The following SLC4A4 variants were observed in gnomAD, a reference collection of about 807,000 sequenced individuals.
SLC4A4 encodes the protein solute carrier family 4 member 4.
Under a neutral mutation model 111.5 loss-of-function variants are expected in SLC4A4, and 27 were observed. The observed-to-expected ratio is 0.24, with a 90% CI of 0.18 to 0.33. The LOEUF (loss-of-function observed/expected upper bound fraction) is 0.33. SLC4A4 is among the 10% of genes least tolerant of loss of function. The pLI is 1.00. For missense variants in SLC4A4, 909 were observed against 1,315.5 expected (o/e 0.69, Z 4.78); for synonymous variants, 443 against 463.4 (o/e 0.96, Z 0.57).
rs553786821 is a variant in SLC4A4, at chr4:71,179,553, T to C, written c.-1-57023T>C. ...TGCAAAAATCACAAGCATTCTTATATACCAATAACAGACAGAGAGCCAAAT... is the reference window on the plus strand; with the variant it reads ...TGCAAAAATCACAAGCATTCTTATACACCAATAACAGACAGAGAGCCAAAT... On this transcript the variant is annotated intron_variant, in intron 2 of 26. Coordinates refer to the SLC4A4 transcript ENST00000649996. Among the ~76,000 whole-genome samples the C allele has an allele frequency of 1.4e-4, 20 of 140,748 alleles. 1 individual carries two copies. The highest frequency in any genetic ancestry group is 6.5e-4 in the African/African-American group (20 of 30,972). 92.3% of individuals were successfully genotyped at this position (140,748 alleles called of 152,430 possible).
At chr4:71,171,232 C>T (rs77511041) in intron 2 of SLC4A4, among the ~76,000 whole-genome samples, 102 of 151,810 alleles carry the variant, frequency 6.7e-4, no homozygotes, top group African/African-American at 2.4e-3. Context: ...CGTGGCTTTG[C>T]GTGCAGGCTG....
At chr4:71,424,828 G>C (rs906348735) in intron 7 of SLC4A4, among the ~76,000 whole-genome samples, 4 of 152,022 alleles carry the variant, frequency 2.6e-5, no homozygotes, top group Admixed American at 1.3e-4. Context: ...ACATCACACT[G>C]TGGGGACTGT....
chr4:71,158,276 C>G (rs1356602936), intron 2 of SLC4A4, among the ~76,000 whole-genome samples: 3 of 151,916 alleles, frequency 2.0e-5, no homozygotes, highest in Non-Finnish European at 4.4e-5. Flanking sequence ...CAACTGTGAC[C>G]TGAATGAAAG....
At chr4:71,358,708 T>G (rs940475541) in intron 6 of SLC4A4, among the ~76,000 whole-genome samples, 1 of 151,234 alleles carries the variant, frequency 6.6e-6, no homozygotes, top group Non-Finnish European at 1.5e-5. Context: ...CTCCCCTGGC[T>G]TTTTTTTTGT....
chr4:71,547,120 G>T (rs1292164446), intron 19 of SLC4A4, among the ~76,000 whole-genome samples: 1 of 151,908 alleles, frequency 6.6e-6, no homozygotes, highest in Non-Finnish European at 1.5e-5. Context: ...CTTTTTTGGG[G>T]TGGGGAGGGG....
intron 3 of SLC4A4, among the ~76,000 whole-genome samples, chr4:71,273,718 G>GTT: frequency 6.7e-6 from 1 of 149,372 alleles, no homozygotes; most frequent in Non-Finnish European, 1.5e-5. Flanking sequence ...TTGGCATAAA[G>GTT]TTTTGAAAGC....
chr4:71,126,589 T>C (rs1252368813), intron 2 of SLC4A4, among the ~76,000 whole-genome samples: 1 of 152,176 alleles, frequency 6.6e-6, no homozygotes, highest in African/African-American at 2.4e-5. Flanking sequence ...TTGTGATAAA[T>C]TATGAACAAA....
At chr4:71,457,736 T>C (rs148281573) in intron 12 of SLC4A4, among the ~76,000 whole-genome samples, 1 of 152,212 alleles carries the variant, frequency 6.6e-6, no homozygotes, top group Non-Finnish European at 1.5e-5. Flanking sequence ...TCTGTAACCA[T>C]GCATGCCAAC....
chr4:71,325,597 CCT>C (rs1294606453), intron 3 of SLC4A4, among the ~76,000 whole-genome samples: 2 of 151,884 alleles, frequency 1.3e-5, no homozygotes, highest in South Asian at 2.1e-4. Flanking sequence ...GCCATTTTAG[CCT>C]CTCAGCATAA....
rs79481509 is a variant in SLC4A4, at chr4:71,082,013, A to G, written c.-64-10717A>G. Among the ~76,000 whole-genome samples the G allele has an allele frequency of 3.6e-4, 54 of 152,078 alleles. No homozygotes were observed. In the East Asian group the frequency reaches 6.4e-3, roughly 18 times the overall value. On this transcript the variant is annotated intron_variant, in intron 1 of 26. Coordinates refer to the SLC4A4 transcript ENST00000649996. ...ACCCTTAGGTTCTTTTGCTAAATGT[A>G]CTATCCAAATACCTTGCTCCCTTTG...
intron 2 of SLC4A4, among the ~76,000 whole-genome samples, chr4:71,116,096 C>T (rs1403898257): frequency 2.0e-5 from 3 of 152,020 alleles, no homozygotes; most frequent in Non-Finnish European, 4.4e-5. Context: ...GGTTTGACCA[C>T]GTTGGTCAGG....
chr4:71,176,263 T>C (rs1364273920), intron 2 of SLC4A4, among the ~76,000 whole-genome samples: 1 of 152,140 alleles, frequency 6.6e-6, no homozygotes, highest in Non-Finnish European at 1.5e-5. Flanking sequence ...ACTCTAAAAA[T>C]CAGAGTGCCT....
intron 7 of SLC4A4, among the ~76,000 whole-genome samples, chr4:71,412,758 T>G (rs1205911370): frequency 2.6e-5 from 4 of 152,140 alleles, no homozygotes. Flanking sequence ...CAGAGGTGAC[T>G]CTGAATTAAC....
At chr4:71,342,794 A>T (rs1331738172) in intron 4 of SLC4A4, among the ~76,000 whole-genome samples, 1 of 152,120 alleles carries the variant, frequency 6.6e-6, no homozygotes, top group African/African-American at 2.4e-5. Context: ...TAGGATTTTC[A>T]CTCAAGATTT....
In SLC4A4 at chr4:71,471,047, A is replaced by T. The variant is rs551137020; in HGVS notation, c.1632-1652A>T. Among the ~76,000 whole-genome samples the T allele has an allele frequency of 6.6e-5, 10 of 152,154 alleles. No homozygotes were observed. The East Asian group carries it at 1.9e-3, about 30-fold the overall frequency. On this transcript the variant is annotated intron_variant, in intron 13 of 25. Transcript: ENST00000264485. ...CTGGGTGCTTCGTAGCCTGGTCAGG[A>T]CATAAAATTAATCATCACAGTACCT...
chr4:71,107,505 C>T lies in SLC4A4; in HGVS notation c.-2+14713C>T, dbSNP rs145464389. Reference sequence around the variant, plus strand: ...GGGACTAGAGGCACATGCCACCATGCCCGGCTAATTTTTTTGCATTTTTTA... The same window carrying T: ...GGGACTAGAGGCACATGCCACCATGTCCGGCTAATTTTTTTGCATTTTTTA... On this transcript the variant is annotated intron_variant, in intron 2 of 26. Transcript: ENST00000649996. Among the ~76,000 whole-genome samples, 1,456 of 152,016 alleles carry T rather than the reference C, an allele frequency of 9.6e-3. 27 individuals are homozygous for T. The highest frequency in any genetic ancestry group is 0.034 in the African/African-American group (1,405 of 41,442).
At chr4:71,111,601 T>C (rs377668163) in intron 2 of SLC4A4, among the ~76,000 whole-genome samples, 39 of 146,260 alleles carry the variant, frequency 2.7e-4, no homozygotes, top group African/African-American at 9.6e-4. Flanking sequence ...AGGCTGGTCT[T>C]GAACTCCTGA....
chr4:71,547,451 A>T (rs1457744716), intron 19 of SLC4A4, among the ~76,000 whole-genome samples, 197 bp from the exon 20 acceptor site: 2 of 152,008 alleles, frequency 1.3e-5, no homozygotes, highest in Non-Finnish European at 2.9e-5. Context: ...CACATATTGC[A>T]GTCACTTTAA....
chr4:71,148,090 A>G (rs956222523), intron 2 of SLC4A4, among the ~76,000 whole-genome samples: 5 of 152,198 alleles, frequency 3.3e-5, no homozygotes, highest in African/African-American at 1.2e-4. Context: ...TACAACTGCA[A>G]GGGACTTTAA....
Sources: gnomAD v4.1 joint callset for allele counts (sites outside exome capture counted in the v4.1 genomes callset) on GRCh38, gnomAD v4.1.1 for gene constraint, MANE v1.5 for transcripts, NCBI Gene and HGNC (gene_info 2026-07-23, HGNC 2026-07-21) for gene names.